The following NEB variants were observed in gnomAD, a reference collection of about 807,000 sequenced individuals.
The protein encoded by NEB is nebulin, also known as nemaline myopathy type 2.
In NEB, 512 loss-of-function variants were observed where a neutral mutation model predicts 952.2. The observed-to-expected ratio is 0.54, with a 90% CI of 0.50 to 0.58. The LOEUF is 0.58. NEB is among the 20% of genes least tolerant of loss of function. The pLI is 0.00. For missense variants in NEB, 8,428 were observed against 9,231.1 expected (o/e 0.91, Z 3.56); for synonymous variants, 2,900 against 3,149.8 (o/e 0.92, Z 2.66).
rs555639331 is a variant in NEB at position 151,491,840 on chromosome 2, G to T, written c.25058-65C>A. 62 of 1,329,378 alleles carry T rather than the reference G, an allele frequency of 4.7e-5. No homozygotes were observed. The Admixed American group carries it at 1.2e-3, about 26-fold the overall frequency. The allele number at this position is 1,329,378 out of a possible 1,614,324, so 82.3% of individuals were successfully genotyped here. On this transcript the variant is annotated intron_variant, in intron 178 of 181. Coordinates refer to ENST00000397345, the MANE Select transcript of NEB (RefSeq NM_001164508.2). ...GTTTTCCAATAACTTGAAAACCAAG[G>T]CATGAATTTTAACAACCACCAAAGG...
At chr2:151,665,225 G>T in intron 42 of NEB, 108 bp downstream of exon 42, 1 of 1,061,754 alleles carries the variant, frequency 9.4e-7, no homozygotes, top group Non-Finnish European at 1.4e-6. Context: ...CCACCGGCAC[G>T]AAGACGATCA....
chr2:151,665,449 C>T lies in NEB; in HGVS notation c.5122G>A (p.Gly1708Arg). Residue 1708 changes from glycine (G) to arginine (R), a missense_variant, in exon 42 of 182, where the codon GGA (glycine) becomes AGA (arginine). This residue lies in a region of NEB where 2,851 missense variants were observed against 2,791.5 expected (regional missense o/e 1.02). Transcript: ENST00000397345. The part of the protein sequence containing the change: ...SLEVEKAKKA[G>R]EILSEKKYRQ... ...TACTTCTTCTCACTAAGAATCTCTCCTGCTTTCTTTGCCTTCTCCACCTCC... is the reference window on the plus strand; with the variant it reads ...TACTTCTTCTCACTAAGAATCTCTCTTGCTTTCTTTGCCTTCTCCACCTCC... The T allele has an allele frequency of 6.2e-7, 1 of 1,613,600 alleles. No homozygotes were observed. The highest frequency in any genetic ancestry group is 8.5e-7 in the Non-Finnish European group (1 of 1,179,766).
At chr2:151,671,562 C>G (rs529481412) in intron 37 of NEB, among the ~76,000 whole-genome samples, 1 of 151,684 alleles carries the variant, frequency 6.6e-6, no homozygotes, top group African/African-American at 2.4e-5. Flanking sequence ...TATTATGAAG[C>G]CTAATAAAAT....
Position 151,493,435 on chromosome 2 carries a change from T to C in NEB, c.24683A>G (p.Lys8228Arg). ...CGGAGTTGCTTTTCTCATGTTCTCT[T>C]TGTACAATACCTAGGGAAGCCAAAA... ...NQENFSSVLY[K>R]ENMRKATPTP... is the part of the protein sequence containing the mutation. The change falls in exon 176 of 182, where the codon AAA becomes AGA. Residue 8228 changes from lysine (K) to arginine (R), a missense_variant. Around this residue, in one of 11 missense-constraint regions of NEB, gnomAD observed 3,374 missense variants for 3,651.5 expected, o/e 0.92. Coordinates refer to ENST00000397345, the MANE Select transcript of NEB (RefSeq NM_001164508.2). The C allele has an allele frequency of 6.2e-7, 1 of 1,600,404 alleles. No homozygotes were observed. Among genetic ancestry groups the C allele is most frequent in the Non-Finnish European group, 8.5e-7 (1 of 1,175,334 alleles).
At chr2:151,486,172 C>G (rs1291730060) in intron 181 of NEB, 4 of 447,202 alleles carry the variant, frequency 8.9e-6, no homozygotes, top group African/African-American at 2.0e-5. Flanking sequence ...ATGCCTTCCC[C>G]CACCAAAAGA....
rs1379492488 is a variant in NEB, at chr2:151,549,727, G to T, written c.19958C>A (p.Thr6653Asn). The change falls in exon 130 of 182, where the codon ACC (threonine) becomes AAC (asparagine). Residue 6653 changes from threonine (T) to asparagine (N), a missense_variant. By Grantham distance (65) the Thr-to-Asn change is moderately conservative (BLOSUM62 0). This residue lies in a region of NEB where 3,374 missense variants were observed against 3,651.5 expected (regional missense o/e 0.92). Transcript: ENST00000397345. ...TCCAGTGGGCAGGGTGCGCAGGCTG[G>T]TTTTGTATAGATTCTGCAGGAATGA... Reference protein sequence around the residue: ...YKLQSSNLYKTSLRTLPTGYR... With the variant: ...YKLQSSNLYKNSLRTLPTGYR... The T allele has an allele frequency of 1.9e-6, 3 of 1,582,582 alleles. No individual in the cohort carries two copies. The highest frequency in any genetic ancestry group is 2.6e-6 in the Non-Finnish European group (3 of 1,162,548).
Position 151,575,682 on chromosome 2 carries a change from T to C in NEB, c.17013+13A>G, listed in dbSNP as rs547891086. The C allele has an allele frequency of 1.4e-5, 21 of 1,520,892 alleles. No individual in the cohort carries two copies. Among genetic ancestry groups the C allele is most frequent in the East Asian group, 9.0e-5 (4 of 44,446 alleles). The allele number at this position is 1,520,892 out of a possible 1,614,324, so 94.2% of individuals were successfully genotyped here. A position where few individuals can be genotyped will look rare whatever the true frequency, so the allele number is the denominator to read the frequency against. Reference sequence around the variant, plus strand: ...ACTTTCCAAACAAAAAGAGAGTCTGTTGTAGTACTTACATTGCTCACATTA... The same window carrying C: ...ACTTTCCAAACAAAAAGAGAGTCTGCTGTAGTACTTACATTGCTCACATTA... On this transcript the variant is annotated intron_variant, in intron 107 of 181. Coordinates refer to ENST00000397345, the MANE Select transcript of NEB (RefSeq NM_001164508.2).
At position 151,639,816 on chromosome 2, in the gene NEB, C is replaced by CT. The variant is rs1404747480; in HGVS notation, c.8889+40dup. The CT allele has an allele frequency of 4.6e-6, 7 of 1,523,096 alleles. No homozygotes were observed. In the African/African-American group the frequency reaches 6.9e-5, roughly 15 times the overall value. 94.3% of individuals were successfully genotyped at this position (1,523,096 alleles called of 1,614,324 possible). On this transcript the variant is annotated intron_variant, in intron 62 of 181. Coordinates refer to ENST00000397345, the MANE Select transcript of NEB (RefSeq NM_001164508.2). ...TAATGTTTCTTTTTTGTTGATTCAG[C>CT]TTTAGGAGCCCCACTTCGATTCTTA... is the stretch of plus-strand genomic sequence containing the variant.
At chr2:151,639,637 T>C (rs1327438740) in intron 62 of NEB, among the ~76,000 whole-genome samples, 2 of 152,220 alleles carry the variant, frequency 1.3e-5, no homozygotes, top group Admixed American at 6.5e-5. Context: ...TATTTTTTGA[T>C]AAAATATGCT....
At chr2:151,576,506 ATATATATATATTTTTTTTTTTTT>A (rs2096846385) in intron 105 of NEB, among the ~76,000 whole-genome samples, 152 bp from the exon 106 acceptor site, 1 of 43,556 alleles carries the variant, frequency 2.3e-5, no homozygotes, top group Non-Finnish European at 4.0e-5. Flanking sequence ...ATATATATAT[ATATATATATATTTTTTTTTTTTT>A]TTTTTTTTTT....
rs1331567271 is a variant in NEB at position 151,514,354 on chromosome 2, C to T, written c.23091G>A (p.Met7697Ile). ...TTTGAGTGGCATTCTTTGCTCTTAG[C>T]ATGTCAGGTGTATCTTCCATTTCAG... The part of the protein sequence containing the change: ...GLTEMEDTPD[M>I]LRAKNATQIL... The change falls in exon 159 of 182, where the codon ATG becomes ATA. Residue 7697 changes from methionine to isoleucine, a missense_variant. Around this residue, in one of 11 missense-constraint regions of NEB, gnomAD observed 3,374 missense variants for 3,651.5 expected, o/e 0.92. Transcript: ENST00000397345. 2 of 1,613,792 alleles carry T rather than the reference C, an allele frequency of 1.2e-6. No individual in the cohort carries two copies. Among genetic ancestry groups the T allele is most frequent in the Admixed American group, 1.7e-5 (1 of 60,018 alleles).
At chr2:151,500,818 C>T (rs959208987) in intron 168 of NEB, among the ~76,000 whole-genome samples, 6 of 151,942 alleles carry the variant, frequency 3.9e-5, no homozygotes, top group Non-Finnish European at 7.4e-5. Flanking sequence ...AGGCTGGTCT[C>T]GACCTCCTGG....
At chr2:151,709,612 C>A in intron 12 of NEB, 44 bp downstream of exon 12, 3 of 1,438,592 alleles carry the variant, frequency 2.1e-6, no homozygotes, top group South Asian at 1.2e-5. Flanking sequence ...AAGAAATTTA[C>A]CCACACTCAA....
chr2:151,501,539 A>T, intron 167 of NEB, 56 bp from the exon 168 acceptor site: 3 of 1,018,878 alleles, frequency 2.9e-6, no homozygotes, highest in Non-Finnish European at 4.0e-6. Flanking sequence ...TTTTAGGTAG[A>T]CTTAACCTAA....
chr2:151,640,570 C>T lies in NEB; in HGVS notation c.8470G>A (p.Ala2824Thr). Residue 2824 changes from alanine to threonine, a missense_variant, in exon 61 of 182, where the codon GCC (alanine) becomes ACC (threonine). Ala to Thr is a moderately conservative substitution (Grantham distance 58). Around this residue, in one of 11 missense-constraint regions of NEB, gnomAD observed 1,772 missense variants for 1,960.3 expected, o/e 0.90. Coordinates refer to ENST00000397345, the MANE Select transcript of NEB (RefSeq NM_001164508.2). ...DPKMMWSMHV[A>T]KIQSDREYKK... ...TACTCCCTGTCACTCTGGATCTTGG[C>T]CACGTGCATGGACCACATCATCTTG... 3 of 1,613,912 alleles carry T rather than the reference C, an allele frequency of 1.9e-6. No individual in the cohort carries two copies. The highest frequency in any genetic ancestry group is 2.5e-6 in the Non-Finnish European group (3 of 1,179,872).
At chr2:151,625,471 C>G (rs1232995280) in intron 71 of NEB, 63 bp downstream of exon 71, 2 of 1,291,330 alleles carry the variant, frequency 1.5e-6, no homozygotes, top group African/African-American at 1.5e-5. Flanking sequence ...TCATAATTCT[C>G]ACATTCCTAC....
At chr2:151,540,287 G>A (rs2153566713) in intron 138 of NEB, 57 bp downstream of exon 138, 1 of 1,010,182 alleles carries the variant, frequency 9.9e-7, no homozygotes, top group East Asian at 2.6e-5. Context: ...TGTTTCTTAG[G>A]TACTTCAACC....
chr2:151,511,777 CATG>C (rs747277701), intron 161 of NEB, among the ~76,000 whole-genome samples: 152 of 152,268 alleles, frequency 1.0e-3, no homozygotes, highest in Non-Finnish European at 1.9e-3. Context: ...AGTTATTCAT[CATG>C]AGGGGAGTCA....
intron 28 of NEB, 71 bp from the exon 29 acceptor site, chr2:151,682,840 A>T: frequency 7.6e-7 from 1 of 1,321,320 alleles, no homozygotes; most frequent in Non-Finnish European, 1.1e-6. Flanking sequence ...TCAAAGTTTT[A>T]CCCAAAACAA....
Sources: gnomAD v4.1 joint callset for allele counts (sites outside exome capture counted in the v4.1 genomes callset) on GRCh38, gnomAD v4.1.1 for gene constraint, gnomAD v4.1.1 regional missense constraint, MANE v1.5 for transcripts, NCBI Gene and HGNC (gene_info 2026-07-23, HGNC 2026-07-21) for gene names.